Variants in CDC14B observed in about 807,000 individuals in gnomAD.
The protein encoded by CDC14B is dual specificity protein phosphatase CDC14B.
CDC14B carries 22 observed loss-of-function variants against 64.2 expected under a neutral mutation model. The ratio of observed to expected loss-of-function variants is 0.34; its 90% CI spans 0.24 to 0.49. The LOEUF (loss-of-function observed/expected upper bound fraction) is 0.49. Ranked by LOEUF, CDC14B falls within the 20% of genes least tolerant of loss-of-function variation. The probability of loss-of-function intolerance (pLI) is 0.99; values close to 1 mark genes in which losing one functional copy is unlikely to be tolerated. For synonymous variants in CDC14B, 191 were observed against 215.8 expected (o/e 0.89, Z 1.01); for missense variants, 498 against 629.9 (o/e 0.79, Z 2.24).
chr9:96,543,132 C>T (rs960679688), intron 5 of CDC14B, among the ~76,000 whole-genome samples: 1 of 152,128 alleles, frequency 6.6e-6, no homozygotes, highest in Non-Finnish European at 1.5e-5. Flanking sequence ...GTGAGGAGAT[C>T]GAGATCTTCC....
Position 96,551,837 on chromosome 9 carries a change from A to G in CDC14B, c.456T>C (p.Tyr152=). Residue 152 remains tyrosine (Y), a synonymous_variant, in exon 5 of 14, where the codon TAT becomes TAC. Transcript: ENST00000375241. The stretch of plus-strand genomic sequence containing the variant: ...ATGTCTCTCCAAAGATTAATATTCT[A>G]TATGCTTCTTCTGGGGTTCTCCCCA... ...IYLGRTPEEA[Y]RILIFGETSY... The G allele has an allele frequency of 1.2e-6, 2 of 1,609,954 alleles. No homozygotes were observed. Among genetic ancestry groups the G allele is most frequent in the Middle Eastern group, 1.7e-4 (1 of 6,040 alleles).
chr9:96,601,070 A>G (rs1846409924), intron 1 of CDC14B, among the ~76,000 whole-genome samples: 1 of 152,186 alleles, frequency 6.6e-6, no homozygotes. Context: ...GAAACTAATG[A>G]TATGATAGTA....
chr9:96,599,818 A>C (rs1244057574), intron 1 of CDC14B, among the ~76,000 whole-genome samples: 1 of 151,426 alleles, frequency 6.6e-6, no homozygotes, highest in Non-Finnish European at 1.5e-5. Flanking sequence ...TGCAACTTCC[A>C]CCTCCCAGGT....
chr9:96,565,499 T>A lies in CDC14B; in HGVS notation c.161-16A>T, dbSNP rs1411323627. On this transcript the variant is annotated splice_polypyrimidine_tract_variant and intron_variant, in intron 1 of 13. Transcript: ENST00000375241. ...CAAAGGCGATCTGAAATGGAAAAAT[T>A]GCAATGTTCCTTCCTGGAGGTTACA... 1 of 1,533,942 alleles carries A rather than the reference T, an allele frequency of 6.5e-7. No individual in the cohort carries two copies. The highest frequency in any genetic ancestry group is 9.0e-7 in the Non-Finnish European group (1 of 1,107,102).
intron 1 of CDC14B, 87 bp from the exon 2 acceptor site, chr9:96,565,570 A>C: frequency 1.1e-6 from 1 of 895,630 alleles, no homozygotes; most frequent in South Asian, 1.4e-5. Flanking sequence ...AGATGAAGTC[A>C]ATTTTTCATT....
chr9:96,576,934 A>G (rs1002160312), intron 1 of CDC14B, among the ~76,000 whole-genome samples: 1 of 152,200 alleles, frequency 6.6e-6, no homozygotes, highest in Non-Finnish European at 1.5e-5. Context: ...CACATAGACC[A>G]TGTTCAATGA....
chr9:96,515,930 G>A lies in CDC14B; in HGVS notation c.1344-6141C>T, dbSNP rs933776854. The stretch of plus-strand genomic sequence containing the variant: ...GCCAACAGCAACAGGGATACAAAGG[G>A]GTGGTCAACAAGGATGGAGTTTTGC... On this transcript the variant is annotated intron_variant, in intron 12 of 13. Coordinates refer to ENST00000375241, the MANE Select transcript of CDC14B (RefSeq NM_033331.4). This position sits in a 1 kb window ranked among gnomAD's most constrained non-coding sequence, Gnocchi z 4.3. 1 of 662,066 alleles carries A rather than the reference G, an allele frequency of 1.5e-6. No homozygotes were observed. The highest frequency in any genetic ancestry group is 2.4e-6 in the Non-Finnish European group (1 of 417,808). The allele number at this position is 662,066 out of a possible 1,614,324, so 41.0% of individuals were successfully genotyped here. A position where few individuals can be genotyped will look rare whatever the true frequency, so the allele number is the denominator to read the frequency against.
At chr9:96,517,652 A>G (rs963486208) in intron 12 of CDC14B, among the ~76,000 whole-genome samples, 3 of 145,592 alleles carry the variant, frequency 2.1e-5, no homozygotes, top group Non-Finnish European at 4.5e-5. Flanking sequence ...TCAAAAAAAA[A>G]AAAAAAAAAA....
chr9:96,603,191 C>CACACACAT (rs1190965928), intron 1 of CDC14B, among the ~76,000 whole-genome samples: 1 of 150,458 alleles, frequency 6.6e-6, no homozygotes, highest in African/African-American at 2.4e-5. Flanking sequence ...CACACACACA[C>CACACACAT]AAATACACAA....
rs186761157 is a variant in CDC14B at position 96,592,187 on chromosome 9, A to T, written c.161-26704T>A. On this transcript the variant is annotated intron_variant, in intron 1 of 13. Coordinates refer to ENST00000375241, the MANE Select transcript of CDC14B (RefSeq NM_033331.4). ...TTGACTCCCAGGCTCAAGCGATCCC[A>T]CCTCATCAGTCTCCCACATTGCTGG... Among the ~76,000 whole-genome samples the T allele has an allele frequency of 6.6e-5, 10 of 152,168 alleles. No homozygotes were observed. In the East Asian group the frequency reaches 1.7e-3, roughly 27 times the overall value.
chr9:96,599,024 A>T (rs573130062), intron 1 of CDC14B, among the ~76,000 whole-genome samples: 2 of 152,328 alleles, frequency 1.3e-5, no homozygotes, highest in East Asian at 3.9e-4. Flanking sequence ...ACATCTCTGA[A>T]ATTATGCCGT....
At chr9:96,604,384 A>G (rs1846724144) in intron 1 of CDC14B, among the ~76,000 whole-genome samples, 1 of 143,732 alleles carries the variant, frequency 7.0e-6, no homozygotes, top group African/African-American at 2.6e-5. Context: ...TATTATTATT[A>G]TTATTATTAT....
intron 5 of CDC14B, among the ~76,000 whole-genome samples, chr9:96,550,980 T>C (rs1237147948): frequency 6.6e-6 from 1 of 152,166 alleles, no homozygotes; most frequent in Non-Finnish European, 1.5e-5. Flanking sequence ...GGGTTCATTT[T>C]GGTCCCAGAA....
chr9:96,508,752 C>A (rs1422172664), intron 13 of CDC14B, among the ~76,000 whole-genome samples: 1 of 152,186 alleles, frequency 6.6e-6, no homozygotes, highest in Non-Finnish European at 1.5e-5. Context: ...CCCAGCTCTG[C>A]CAAGGTCTCT....
chr9:96,506,985 C>T (rs1379301552), intron 13 of CDC14B, among the ~76,000 whole-genome samples: 1 of 152,236 alleles, frequency 6.6e-6, no homozygotes, highest in Non-Finnish European at 1.5e-5. Context: ...GTGCAAGACA[C>T]ACTACGCTGT....
rs556910714 is a variant in CDC14B at position 96,501,171 on chromosome 9, G to A, written c.*2582C>T. On this transcript the variant is annotated 3_prime_UTR_variant, in exon 14 of 14. Transcript: ENST00000375241. ...AAGCTAAGTCCGTCTATACTTCTAG[G>A]AACCCAGTTTTGCAGACGCTCTTCC... The A allele has an allele frequency of 6.6e-6, 1 of 151,978 alleles. No individual in the cohort carries two copies. The highest frequency in any genetic ancestry group is 2.4e-5 in the African/African-American group (1 of 41,464). 9.4% of individuals were successfully genotyped at this position (151,978 alleles called of 1,614,324 possible). A position where few individuals can be genotyped will look rare whatever the true frequency, so the allele number is the denominator to read the frequency against.
intron 13 of CDC14B, among the ~76,000 whole-genome samples, chr9:96,508,460 T>C (rs1587733411): frequency 6.6e-6 from 1 of 152,260 alleles, no homozygotes; most frequent in African/African-American, 2.4e-5. Context: ...CACTCCGCTA[T>C]TGTTCCAATG....
intron 1 of CDC14B, among the ~76,000 whole-genome samples, chr9:96,608,925 ACG>A (rs933201307): frequency 3.4e-4 from 48 of 143,008 alleles, no homozygotes; most frequent in African/African-American, 1.2e-3. Context: ...ACACACACAC[ACG>A]AAAAGACACA....
intron 1 of CDC14B, among the ~76,000 whole-genome samples, chr9:96,587,517 C>G (rs1360165637): frequency 6.6e-6 from 1 of 152,204 alleles, no homozygotes; most frequent in East Asian, 1.9e-4. Flanking sequence ...CACCCCTGGG[C>G]AGATACACTT....
Sources: allele counts gnomAD v4.1 joint callset (sites outside exome capture counted in the v4.1 genomes callset), GRCh38; gene constraint gnomAD v4.1.1; non-coding constraint Gnocchi (gnomAD v3.1); transcripts MANE v1.5; gene names NCBI Gene and HGNC (gene_info 2026-07-23, HGNC 2026-07-21).